The following SAMSN1 variants were observed in gnomAD, a reference collection of about 807,000 sequenced individuals.
The protein encoded by SAMSN1 is SAM domain-containing protein SAMSN-1.
In SAMSN1, 31 loss-of-function variants were observed where a neutral mutation model predicts 42.0. The ratio of observed to expected loss-of-function variants is 0.74; its 90% CI spans 0.55 to 1.00. The LOEUF (loss-of-function observed/expected upper bound fraction) is 1.00, where lower values mean the gene tolerates loss of function less well. SAMSN1 is among the 50% of genes least tolerant of loss of function. The pLI is 0.00. For missense variants in SAMSN1, 464 were observed against 439.4 expected, an observed-to-expected ratio of 1.06 and a Z score of -0.50; for synonymous variants, 178 against 151.9, an observed-to-expected ratio of 1.17 and a Z score of -1.26.
chr21:14,545,592 A>G (rs1283852750), intron 1 of SAMSN1, among the ~76,000 whole-genome samples: 1 of 152,084 alleles, frequency 6.6e-6, no homozygotes, highest in African/African-American at 2.4e-5. Flanking sequence ...GTAACATTCC[A>G]CATATTACCA....
At chr21:14,608,652 G>A (rs1444404995) in intron 5 of SAMSN1, among the ~76,000 whole-genome samples, 1 of 152,094 alleles carries the variant, frequency 6.6e-6, no homozygotes. Flanking sequence ...AGCACAGCTT[G>A]CAGCCTCGGG....
At chr21:14,522,388 G>T (rs1434958673) in intron 1 of SAMSN1, among the ~76,000 whole-genome samples, 1 of 152,078 alleles carries the variant, frequency 6.6e-6, no homozygotes, top group Admixed American at 6.6e-5. Context: ...CATAAATCCC[G>T]AGACTATTTT....
Position 14,486,001 on chromosome 21 carries a change from C to G in SAMSN1, c.1033G>C (p.Gly345Arg), listed in dbSNP as rs1277335047. ...TCCTCTTTGCCATTATCTGAATTTCCTGATGAGATATAGCAACCAGAGTCC... is the reference window on the plus strand; with the variant it reads ...TCCTCTTTGCCATTATCTGAATTTCGTGATGAGATATAGCAACCAGAGTCC... ...PRDSGCYISS[G>R]NSDNGKEDLE... The change falls in exon 8 of 8, where the codon GGA becomes CGA. Residue 345 changes from glycine to arginine, a missense_variant. Coordinates refer to ENST00000400566, the MANE Select transcript of SAMSN1 (RefSeq NM_022136.5). The G allele has an allele frequency of 5.0e-6, 8 of 1,613,498 alleles. No homozygotes were observed. Among genetic ancestry groups the G allele is most frequent in the Non-Finnish European group, 5.9e-6 (7 of 1,179,662 alleles).
rs569341524 is a variant in SAMSN1, at chr21:14,642,434, CT to C, written c.156+567del. The stretch of plus-strand genomic sequence containing the variant: ...TTTATTACAGTGGTTAGAGCATAAA[CT>C]TTGAAAGCAGCCAGTGATGTGTCAG... On this transcript the variant is annotated intron_variant, in intron 2 of 15. Coordinates refer to the SAMSN1 transcript ENST00000647101. Among the ~76,000 whole-genome samples, 124 of 152,292 alleles carry C rather than the reference CT, an allele frequency of 8.1e-4. 2 individuals carry two copies. The South Asian group carries it at 0.024, about 29-fold the overall frequency.
chr21:14,506,270 A>G (rs1233538228), intron 5 of SAMSN1, among the ~76,000 whole-genome samples: 1 of 152,216 alleles, frequency 6.6e-6, no homozygotes, highest in Non-Finnish European at 1.5e-5. Context: ...TGAAAGATAA[A>G]TGAAACAAAA....
chr21:14,515,385 C>A (rs944492556), intron 3 of SAMSN1, among the ~76,000 whole-genome samples: 1 of 151,838 alleles, frequency 6.6e-6, no homozygotes, highest in African/African-American at 2.4e-5. Context: ...AGTACCGAGA[C>A]AATCAAATAG....
upstream of SAMSN1, among the ~76,000 whole-genome samples, chr21:14,548,758 A>T (rs1980508327): frequency 6.6e-6 from 1 of 152,014 alleles, no homozygotes; most frequent in African/African-American, 2.4e-5. Context: ...GTTTTTATCA[A>T]TTATCTACTA....
rs982029579 is a variant in SAMSN1 at position 14,486,094 on chromosome 21, C to A, written c.940G>T (p.Glu314Ter). Reference sequence around the variant, plus strand: ...GAGCTCAAGGATAGGGGCTCAGGTTCATTTTCTTGCTCTTGAATAACTGTA... The same window carrying A: ...GAGCTCAAGGATAGGGGCTCAGGTTAATTTTCTTGCTCTTGAATAACTGTA... The part of the protein sequence containing the change: ...EEEIIQEQEN[E>*]PEPLSLSSDI... The change falls in exon 8 of 8, where the codon GAA becomes TAA. Residue 314 changes from glutamate (E) to a stop codon, truncating the protein, a stop_gained. Transcript: ENST00000400566. LOFTEE classifies it high-confidence loss of function. 1 of 1,613,212 alleles carries A rather than the reference C, an allele frequency of 6.2e-7. No homozygotes were observed. The highest frequency in any genetic ancestry group is 8.5e-7 in the Non-Finnish European group (1 of 1,179,474).
intron 6 of SAMSN1, among the ~76,000 whole-genome samples, chr21:14,595,995 A>G (rs569022517): frequency 6.6e-6 from 1 of 152,324 alleles, no homozygotes; most frequent in African/African-American, 2.4e-5. Context: ...GAAATCAAAA[A>G]GTAAAACACC....
At chr21:14,635,898 TTTGCTGC>T (rs936883547) in intron 2 of SAMSN1, among the ~76,000 whole-genome samples, 1 of 152,070 alleles carries the variant, frequency 6.6e-6, no homozygotes, top group Non-Finnish European at 1.5e-5. Context: ...GCCATGTTGG[TTTGCTGC>T]ACCCATCAGC....
intron 1 of SAMSN1, among the ~76,000 whole-genome samples, chr21:14,527,841 C>T (rs1274266951): frequency 1.3e-5 from 2 of 148,234 alleles, no homozygotes; most frequent in Non-Finnish European, 3.0e-5. Flanking sequence ...TTTTATGCAA[C>T]AAGTCTGATG....
chr21:14,591,211 C>G (rs1273090697), intron 7 of SAMSN1: 1 of 151,940 alleles, frequency 6.6e-6, no homozygotes, highest in East Asian at 1.9e-4. Context: ...CACAATAAAG[C>G]TAGGCAAAAT....
intron 5 of SAMSN1, among the ~76,000 whole-genome samples, chr21:14,608,471 G>C (rs1047685581): frequency 6.6e-6 from 1 of 152,154 alleles, no homozygotes; most frequent in African/African-American, 2.4e-5. Context: ...GCACTTTGGG[G>C]TCCTAAGTAA....
At chr21:14,527,760 TAAA>T (rs71183427) in intron 1 of SAMSN1, among the ~76,000 whole-genome samples, 33,790 of 107,494 alleles carry the variant, frequency 0.31, 4,849 homozygotes, top group South Asian at 0.37. Flanking sequence ...AAACTAGAAC[TAAA>T]AAAAAAAAAA....
At chr21:14,658,673 T>C (rs1008007112) in intron 1 of SAMSN1, 79 of 708,628 alleles carry the variant, frequency 1.1e-4, no homozygotes, top group Admixed American at 8.8e-4. Context: ...AAGTTTAGAA[T>C]ATATCCTAAT....
intron 2 of SAMSN1, among the ~76,000 whole-genome samples, chr21:14,626,116 A>G (rs1033437191): frequency 3.9e-5 from 6 of 152,224 alleles, no homozygotes; most frequent in Non-Finnish European, 7.3e-5. Flanking sequence ...TACACCTTAT[A>G]CAAAAATTAC....
At chr21:14,504,418 C>T (rs1218752841) in intron 5 of SAMSN1, among the ~76,000 whole-genome samples, 1 of 152,098 alleles carries the variant, frequency 6.6e-6, no homozygotes, top group Non-Finnish European at 1.5e-5. Context: ...ACAATCAAAA[C>T]TTCAGGAAAC....
In SAMSN1 at chr21:14,615,863, C is replaced by CAA. The variant is rs34255188; in HGVS notation, c.197+111_197+112dup. Reference sequence around the variant, plus strand: ...CATCTAGATTTGTACATGACAGCTGCAAAAAAAAAAAAAAAAAAAAAAAAA... The same window carrying CAA: ...CATCTAGATTTGTACATGACAGCTGCAAAAAAAAAAAAAAAAAAAAAAAAAAA... On this transcript the variant is annotated intron_variant, in intron 3 of 15. Coordinates refer to the SAMSN1 transcript ENST00000647101. 331 of 116,400 alleles carry CAA rather than the reference C, an allele frequency of 2.8e-3. 9 individuals are homozygous for CAA. Among genetic ancestry groups the CAA allele is most frequent in the African/African-American group, 0.012 (200 of 16,308 alleles). 7.2% of individuals were successfully genotyped at this position (116,400 alleles called of 1,614,324 possible). A position where few individuals can be genotyped will look rare whatever the true frequency, so the allele number is the denominator to read the frequency against.
chr21:14,494,228 A>G (rs992444696), intron 7 of SAMSN1, among the ~76,000 whole-genome samples: 3 of 152,226 alleles, frequency 2.0e-5, no homozygotes, highest in African/African-American at 7.2e-5. Context: ...CCAAAGGATT[A>G]TAAATTACTC....
Sources: gnomAD v4.1 joint callset for allele counts (sites outside exome capture counted in the v4.1 genomes callset) on GRCh38, gnomAD v4.1.1 for gene constraint, MANE v1.5 for transcripts, NCBI Gene and HGNC (gene_info 2026-07-23, HGNC 2026-07-21) for gene names.